Variants in CEP63 observed in about 807,000 individuals in gnomAD.
CEP63 encodes centrosomal protein of 63 kDa.
Under a neutral mutation model 89.1 loss-of-function variants are expected in CEP63, and 84 were observed. The observed-to-expected ratio is 0.94, with a 90% CI of 0.79 to 1.13. CEP63 has a LOEUF of 1.13. Among genes scored for constraint, CEP63 ranks in the 50% most tolerant of loss-of-function variants. The probability of loss-of-function intolerance (pLI) is 0.00; values close to 1 mark genes in which losing one functional copy is unlikely to be tolerated. For synonymous variants in CEP63, 267 were observed against 272.5 expected (o/e 0.98, Z 0.20); for missense variants, 838 against 813.3 (o/e 1.03, Z -0.37).
intron 14 of CEP63, 35 bp downstream of exon 14, chr3:134,559,464 T>C: frequency 6.3e-7 from 1 of 1,579,932 alleles, no homozygotes; most frequent in Non-Finnish European, 8.7e-7. Flanking sequence ...AATTTGTTAG[T>C]TTTTTAAGTT....
exon 11 of CEP63, among the ~76,000 whole-genome samples, chr3:134,587,698 A>G (rs1299352297): frequency 1.3e-5 from 2 of 152,146 alleles, no homozygotes; most frequent in Non-Finnish European, 2.9e-5. Flanking sequence ...TCAGAGCTCA[A>G]ACACCATGCT....
the CEP63 span, among the ~76,000 whole-genome samples, chr3:134,663,642 G>A: frequency 6.6e-6 from 1 of 152,214 alleles, no homozygotes; most frequent in Non-Finnish European, 1.5e-5. Flanking sequence ...TGGGGGAAAG[G>A]GAGTGCAGGT....
At chr3:134,597,567 G>T in the CEP63 span, among the ~76,000 whole-genome samples, 1 of 152,196 alleles carries the variant, frequency 6.6e-6, no homozygotes, top group Admixed American at 6.5e-5. Flanking sequence ...CACCTTCAAG[G>T]TCTGCCTGAG....
intron 11 of CEP63, among the ~76,000 whole-genome samples, chr3:134,570,660 T>C (rs1468273271): frequency 1.3e-5 from 2 of 152,350 alleles, no homozygotes; most frequent in East Asian, 3.9e-4. Context: ...CCCTCCAAGC[T>C]GTTCCAACCT....
At chr3:134,499,987 C>A (rs1287670789) in intron 2 of CEP63, among the ~76,000 whole-genome samples, 3 of 151,912 alleles carry the variant, frequency 2.0e-5, no homozygotes, top group Admixed American at 2.0e-4. Flanking sequence ...CCATGCCCAG[C>A]TAATTTTTTT....
chr3:134,634,665 T>G, the CEP63 span, among the ~76,000 whole-genome samples: 1 of 152,240 alleles, frequency 6.6e-6, no homozygotes, highest in African/African-American at 2.4e-5. Context: ...ACAACATGGG[T>G]TTGAACTGCA....
At position 134,559,206 on chromosome 3, in the gene CEP63, A is replaced by T; in HGVS notation, c.1730A>T (p.Asp577Val). Residue 577 changes from aspartate (D) to valine (V), a missense_variant, in exon 14 of 15, where the codon GAT (aspartate) becomes GTT (valine). Asp to Val is a radical substitution (Grantham distance 152). Transcript: ENST00000675561. ...ATAAAGACTGAGCACTACAAAACAGATCTTCATTCTCCAAGAGGACAAGCG... is the reference window on the plus strand; with the variant it reads ...ATAAAGACTGAGCACTACAAAACAGTTCTTCATTCTCCAAGAGGACAAGCG... Reference protein sequence around the residue: ...DGIKTEHYKTDLHSPRGQASD... With the variant: ...DGIKTEHYKTVLHSPRGQASD... 6.2e-7 allele frequency: 1 copy of T among 1,614,172 alleles called. No homozygotes were observed. Among genetic ancestry groups the T allele is most frequent in the Non-Finnish European group, 8.5e-7 (1 of 1,180,010 alleles).
the CEP63 span, among the ~76,000 whole-genome samples, chr3:134,715,384 A>C: frequency 0.9 from 135,288 of 150,582 alleles, 60,455 homozygotes; most frequent in East Asian, 1. Context: ...CACAACTTCT[A>C]CTGGTTCCTG....
the CEP63 span, among the ~76,000 whole-genome samples, chr3:134,597,151 G>A: frequency 6.6e-6 from 1 of 152,114 alleles, no homozygotes; most frequent in Non-Finnish European, 1.5e-5. Context: ...GGGAACCATT[G>A]GTCGGTTTTA....
At chr3:134,572,025 T>C (rs993289815) in intron 11 of CEP63, among the ~76,000 whole-genome samples, 2 of 152,204 alleles carry the variant, frequency 1.3e-5, no homozygotes, top group African/African-American at 4.8e-5. Context: ...CAGAGGTTAT[T>C]GAAAATAAGG....
the CEP63 span, among the ~76,000 whole-genome samples, chr3:134,689,885 G>C: frequency 6.6e-6 from 1 of 152,226 alleles, no homozygotes; most frequent in Non-Finnish European, 1.5e-5. Flanking sequence ...AACACTGAAA[G>C]AGTGGGCAAG....
At chr3:134,662,441 T>A in the CEP63 span, among the ~76,000 whole-genome samples, 3 of 152,188 alleles carry the variant, frequency 2.0e-5, no homozygotes, top group African/African-American at 7.2e-5. Flanking sequence ...TATTTTGTAA[T>A]AGCAGCCCAA....
At chr3:134,494,608 A>G (rs1332517209) in intron 1 of CEP63, among the ~76,000 whole-genome samples, 1 of 152,188 alleles carries the variant, frequency 6.6e-6, no homozygotes, top group Non-Finnish European at 1.5e-5. Context: ...GCAGCTGCAG[A>G]GATGAATAAA....
At chr3:134,610,930 C>A in the CEP63 span, among the ~76,000 whole-genome samples, 3 of 152,172 alleles carry the variant, frequency 2.0e-5, no homozygotes, top group Non-Finnish European at 4.4e-5. Flanking sequence ...AAGCCCTACC[C>A]CCCTGCTATT....
the CEP63 span, among the ~76,000 whole-genome samples, chr3:134,694,286 G>C: frequency 6.6e-6 from 1 of 152,204 alleles, no homozygotes; most frequent in East Asian, 1.9e-4. Flanking sequence ...AGGCCTGTGA[G>C]CACTGTGGAG....
chr3:134,519,806 A>G (rs971252255), intron 3 of CEP63, among the ~76,000 whole-genome samples: 2 of 152,222 alleles, frequency 1.3e-5, no homozygotes, highest in African/African-American at 4.8e-5. Flanking sequence ...ATAATTCATC[A>G]TATTATCAGA....
chr3:134,535,063 C>T (rs1422712573), intron 5 of CEP63, among the ~76,000 whole-genome samples: 1 of 152,138 alleles, frequency 6.6e-6, no homozygotes, highest in Non-Finnish European at 1.5e-5. Flanking sequence ...TTTTTCTCTA[C>T]TGGATATTTT....
chr3:134,756,853 CTG>C, the CEP63 span, among the ~76,000 whole-genome samples: 1 of 152,212 alleles, frequency 6.6e-6, no homozygotes, highest in Non-Finnish European at 1.5e-5. Flanking sequence ...ATCTGAAGGG[CTG>C]TCACACATCT....
intron 1 of CEP63, among the ~76,000 whole-genome samples, chr3:134,486,935 A>C (rs1038349315): frequency 6.6e-6 from 1 of 152,174 alleles, no homozygotes; most frequent in Non-Finnish European, 1.5e-5. Flanking sequence ...TAGGCTTATA[A>C]TGTGGTTTTT....
Sources: allele counts gnomAD v4.1 joint callset (sites outside exome capture counted in the v4.1 genomes callset), GRCh38; gene constraint gnomAD v4.1.1; transcripts MANE v1.5; gene names NCBI Gene and HGNC (gene_info 2026-07-23, HGNC 2026-07-21).